The following SEPSECS variants were observed in gnomAD, a reference collection of about 807,000 sequenced individuals.
SEPSECS encodes O-phosphoseryl-tRNA(Sec) selenium transferase.
Under a neutral mutation model 52.1 loss-of-function variants are expected in SEPSECS, and 42 were observed. The ratio of observed to expected loss-of-function variants is 0.81; its 90% CI spans 0.63 to 1.04. The LOEUF is 1.04. Ranked by LOEUF, SEPSECS falls within the 50% of genes least tolerant of loss-of-function variation. The pLI is 0.00. For missense variants in SEPSECS, 590 were observed against 610.6 expected (o/e 0.97, Z 0.36); for synonymous variants, 216 against 211.4 (o/e 1.02, Z -0.19).
At position 25,157,113 on chromosome 4, in the gene SEPSECS, A is replaced by G. The variant is rs1173333930; in HGVS notation, c.270-139T>C. Reference sequence around the variant, plus strand: ...TTACAGATATATGTCACAAACTATTAATGATGTGGAACTCTCCTACTTAAA... The same window carrying G: ...TTACAGATATATGTCACAAACTATTGATGATGTGGAACTCTCCTACTTAAA... On this transcript the variant is annotated intron_variant, in intron 2 of 10. Coordinates refer to ENST00000382103, the MANE Select transcript of SEPSECS (RefSeq NM_016955.4). The G allele has an allele frequency of 7.1e-6, 5 of 700,910 alleles. No individual in the cohort carries two copies. The East Asian group carries it at 1.4e-4, about 19-fold the overall frequency. The allele number at this position is 700,910 out of a possible 1,614,324, so 43.4% of individuals were successfully genotyped here. A position where few individuals can be genotyped will look rare whatever the true frequency, so the allele number is the denominator to read the frequency against.
intron 6 of SEPSECS, among the ~76,000 whole-genome samples, chr4:25,149,899 C>A (rs968912000): frequency 3.3e-5 from 5 of 152,184 alleles, no homozygotes; most frequent in Non-Finnish European, 7.4e-5. Context: ...GGTAAACAGT[C>A]TTTCTCTAAA....
In SEPSECS at chr4:25,127,313, T is replaced by C; in HGVS notation, c.1071A>G (p.Glu357=). The part of the protein sequence containing the change: ...YLSNQIKKLS[E]AYNERLLHTP... ...TATGCAACAGTCTTTCATTGTAGGC[T>C]TCTGACAACTTCTTTATTTGGTTGG... The change falls in exon 9 of 11, where the codon GAA becomes GAG. Residue 357 remains glutamate, a synonymous_variant. Transcript: ENST00000382103. 6.2e-7 allele frequency: 1 copy of C among 1,613,354 alleles called. No homozygotes were observed. The highest frequency in any genetic ancestry group is 8.5e-7 in the Non-Finnish European group (1 of 1,179,548).
intron 6 of SEPSECS, among the ~76,000 whole-genome samples, chr4:25,146,631 C>T (rs895008834): frequency 3.9e-5 from 6 of 152,200 alleles, no homozygotes; most frequent in African/African-American, 1.4e-4. Context: ...ATGCACCAGA[C>T]TTTGCTAGAA....
chr4:25,152,048 G>A lies in SEPSECS; in HGVS notation c.716C>T (p.Ala239Val). ...AATGTCATAATTAGCACAAATCACA[G>A]CCAGTTCTTCTAATCTATAAACATA... is the stretch of plus-strand genomic sequence containing the variant. ...PRVPDRLEEL[A>V]VICANYDIPH... Residue 239 changes from alanine (A) to valine (V), a missense_variant, in exon 6 of 11, where the codon GCT becomes GTT. Transcript: ENST00000382103. The A allele has an allele frequency of 6.4e-7, 1 of 1,562,668 alleles. No individual in the cohort carries two copies. Among genetic ancestry groups the A allele is most frequent in the South Asian group, 1.1e-5 (1 of 89,926 alleles).
intron 2 of SEPSECS, 86 bp downstream of exon 2, chr4:25,158,867 A>C (rs1712857085): frequency 1.5e-6 from 2 of 1,324,202 alleles, no homozygotes; most frequent in Admixed American, 3.4e-5. Context: ...GACATTTGAT[A>C]ATCTAATAAG....
chr4:25,160,182 C>T, intron 1 of SEPSECS, 74 bp downstream of exon 1: 1 of 1,541,194 alleles, frequency 6.5e-7, no homozygotes, highest in Non-Finnish European at 8.8e-7. Context: ...GGTGAGGCAG[C>T]ACCAGCGGGG....
chr4:25,160,268 C>T lies in SEPSECS; in HGVS notation c.102G>A (p.Leu34=). ...GACAGCTCGGTACCTTCTCCAGAAG[C>T]AGCCGTATGAGGTGCTCATGCGAGC... ...ARRSHEHLIR[L]LLEKGKCPEN... is the part of the protein sequence containing the mutation. Residue 34 remains leucine, a synonymous_variant, in exon 1 of 11, where the codon CTG becomes CTA. Transcript: ENST00000382103. The T allele has an allele frequency of 6.4e-7, 1 of 1,556,244 alleles. No homozygotes were observed.
At chr4:25,159,511 C>A in intron 1 of SEPSECS, 1 of 415,830 alleles carries the variant, frequency 2.4e-6, no homozygotes, top group Non-Finnish European at 4.8e-6. Flanking sequence ...CTCACTCACG[C>A]CTGTAATCCG....
At chr4:25,156,392 G>T (rs932495790) in intron 3 of SEPSECS, among the ~76,000 whole-genome samples, 197 bp from the exon 4 acceptor site, 2 of 100,204 alleles carry the variant, frequency 2.0e-5, no homozygotes, top group Non-Finnish European at 4.0e-5. Context: ...TTATTCTAAA[G>T]ACTTTTTATT....
At chr4:25,149,560 T>C (rs576251573) in intron 6 of SEPSECS, among the ~76,000 whole-genome samples, 1 of 152,166 alleles carries the variant, frequency 6.6e-6, no homozygotes, top group South Asian at 2.1e-4. Flanking sequence ...AAAAAGTAAA[T>C]ACATAAATTG....
At chr4:25,145,743 C>T (rs901757034) in intron 6 of SEPSECS, among the ~76,000 whole-genome samples, 4 of 152,172 alleles carry the variant, frequency 2.6e-5, no homozygotes, top group Non-Finnish European at 4.4e-5. Flanking sequence ...ACCTAATGGA[C>T]TATAGCCATC....
intron 8 of SEPSECS, among the ~76,000 whole-genome samples, chr4:25,133,055 T>C (rs1728675708): frequency 6.6e-6 from 1 of 152,178 alleles, no homozygotes; most frequent in African/African-American, 2.4e-5. Flanking sequence ...ACAATGAATC[T>C]AGCACAGTTC....
chr4:25,153,967 C>G (rs935311609), intron 5 of SEPSECS, among the ~76,000 whole-genome samples: 1 of 152,024 alleles, frequency 6.6e-6, no homozygotes, highest in Non-Finnish European at 1.5e-5. Context: ...ATCCAACTAA[C>G]ACAAATATCC....
chr4:25,155,211 A>AAACTCTAGG, intron 4 of SEPSECS, 60 bp from the exon 5 acceptor site: 1 of 1,554,024 alleles, frequency 6.4e-7, no homozygotes. Context: ...GAAGATCCTG[A>AAACTCTAGG]AACTCTAGGA....
At chr4:25,135,903 G>A (rs753903512) in intron 8 of SEPSECS, among the ~76,000 whole-genome samples, 10 of 152,006 alleles carry the variant, frequency 6.6e-5, no homozygotes, top group Non-Finnish European at 1.2e-4. Flanking sequence ...TTCAACACAC[G>A]CAAATCAATA....
rs968031546 is a variant in SEPSECS at position 25,145,223 on chromosome 4, T to C, written c.805-90A>G. 4 of 1,317,120 alleles carry C rather than the reference T, an allele frequency of 3.0e-6. No homozygotes were observed. The African/African-American group carries it at 5.9e-5, about 19-fold the overall frequency. The allele number at this position is 1,317,120 out of a possible 1,614,324, so 81.6% of individuals were successfully genotyped here. A position where few individuals can be genotyped will look rare whatever the true frequency, so the allele number is the denominator to read the frequency against. ...ATACCACAACAAAAAATTATAACTA[T>C]TTGAGTTAATTAATATATTAGCCTG... is the stretch of plus-strand genomic sequence containing the variant. On this transcript the variant is annotated intron_variant, in intron 6 of 10. Coordinates refer to ENST00000382103, the MANE Select transcript of SEPSECS (RefSeq NM_016955.4).
chr4:25,160,145 AC>A, intron 1 of SEPSECS, 110 bp downstream of exon 1: 2 of 1,516,176 alleles, frequency 1.3e-6, no homozygotes, highest in South Asian at 2.5e-5. Context: ...CAGACTTGGG[AC>A]TAGTCTCAAG....
In SEPSECS at chr4:25,160,286, A is replaced by G. The variant is rs532571185; in HGVS notation, c.84T>C (p.His28=). The G allele has an allele frequency of 7.1e-5, 110 of 1,555,484 alleles. No homozygotes were observed. The South Asian group carries it at 1.3e-3, about 18-fold the overall frequency. ...VRQGCEARRS[H]EHLIRLLLEK... ...CCAGAAGCAGCCGTATGAGGTGCTCATGCGAGCGGCGGGCCTCACAGCCCT... is the reference window on the plus strand; with the variant it reads ...CCAGAAGCAGCCGTATGAGGTGCTCGTGCGAGCGGCGGGCCTCACAGCCCT... Residue 28 remains histidine, a synonymous_variant, in exon 1 of 11, where the codon CAT becomes CAC. Transcript: ENST00000382103.
intron 6 of SEPSECS, among the ~76,000 whole-genome samples, chr4:25,148,332 GAC>G (rs1188528965): frequency 8.0e-6 from 1 of 124,308 alleles, no homozygotes; most frequent in African/African-American, 3.1e-5. Context: ...CAGCCTGGGC[GAC>G]AGAGCGAGAC....
Sources: gnomAD v4.1 joint callset for allele counts (sites outside exome capture counted in the v4.1 genomes callset) on GRCh38, gnomAD v4.1.1 for gene constraint, MANE v1.5 for transcripts, NCBI Gene and HGNC (gene_info 2026-07-23, HGNC 2026-07-21) for gene names.